Variants in SPOCK3 observed in about 807,000 individuals in gnomAD.
The protein encoded by SPOCK3 is testican-3.
SPOCK3 carries 30 observed loss-of-function variants against 56.6 expected under a neutral mutation model. The ratio of observed to expected loss-of-function variants is 0.53; its 90% CI spans 0.40 to 0.72. The LOEUF (loss-of-function observed/expected upper bound fraction) is 0.72, where lower values mean the gene tolerates loss of function less well. SPOCK3 is among the 30% of genes least tolerant of loss of function. The pLI, the probability that SPOCK3 is intolerant of heterozygous loss-of-function variation, is 0.00. For synonymous variants in SPOCK3, 196 were observed against 183.3 expected (o/e 1.07, Z -0.56); for missense variants, 527 against 530.0 (o/e 0.99, Z 0.06).
chr4:167,188,982 T>G lies in SPOCK3; in HGVS notation c.189+45003A>C, dbSNP rs537377664. 2.7e-5 allele frequency among the ~76,000 whole-genome samples: 4 copies of G among 146,304 alleles called. No homozygotes were observed. The South Asian group carries it at 8.5e-4, about 31-fold the overall frequency. On this transcript the variant is annotated intron_variant, in intron 2 of 10. Coordinates refer to ENST00000357545, the MANE Select transcript of SPOCK3 (RefSeq NM_001040159.2). ...TCTTCTCACAGAGAAAACTCCAGGCTTCACTGTTGAAGTCCGTCAAACATT... is the reference window on the plus strand; with the variant it reads ...TCTTCTCACAGAGAAAACTCCAGGCGTCACTGTTGAAGTCCGTCAAACATT...
intron 2 of SPOCK3, among the ~76,000 whole-genome samples, chr4:167,063,068 G>C (rs892167656): frequency 6.6e-6 from 1 of 151,782 alleles, no homozygotes; most frequent in Non-Finnish European, 1.5e-5. Flanking sequence ...TCATTCTCTT[G>C]CTAATCGAAT....
chr4:166,988,003 T>TA (rs1479497849), intron 4 of SPOCK3, among the ~76,000 whole-genome samples: 1 of 152,098 alleles, frequency 6.6e-6, no homozygotes, highest in African/African-American at 2.4e-5. Flanking sequence ...ATGCTTGCTT[T>TA]AAAAAATATA....
chr4:166,917,927 A>T (rs564376486), intron 4 of SPOCK3, among the ~76,000 whole-genome samples: 3 of 152,308 alleles, frequency 2.0e-5, no homozygotes, highest in African/African-American at 7.2e-5. Context: ...ATAAAACAAC[A>T]TTCAAGTGAG....
intron 7 of SPOCK3, among the ~76,000 whole-genome samples, chr4:166,773,534 A>G (rs200741731): frequency 6.6e-6 from 1 of 152,318 alleles, no homozygotes; most frequent in East Asian, 1.9e-4. Context: ...ATAAGAAGAT[A>G]ATACTTAACT....
At chr4:167,085,532 A>C (rs1198531471) in intron 2 of SPOCK3, among the ~76,000 whole-genome samples, 1 of 152,228 alleles carries the variant, frequency 6.6e-6, no homozygotes, top group South Asian at 2.1e-4. Context: ...AATGGGAGGT[A>C]ATTTTTCTTT....
chr4:166,934,890 A>G (rs1323482658), intron 4 of SPOCK3, among the ~76,000 whole-genome samples: 7 of 151,542 alleles, frequency 4.6e-5, no homozygotes, highest in Non-Finnish European at 8.8e-5. Context: ...ATAGAAAGCT[A>G]AAAGCTGAAA....
chr4:166,920,954 T>C (rs1738415657), intron 4 of SPOCK3, among the ~76,000 whole-genome samples: 1 of 152,188 alleles, frequency 6.6e-6, no homozygotes, highest in South Asian at 2.1e-4. Context: ...CCATCCAAAG[T>C]TCAGGGAGAC....
At chr4:166,801,691 T>A (rs1199207769) in intron 6 of SPOCK3, among the ~76,000 whole-genome samples, 1 of 152,178 alleles carries the variant, frequency 6.6e-6, no homozygotes, top group Non-Finnish European at 1.5e-5. Flanking sequence ...TTCAAATATA[T>A]TTAAAATGTG....
At chr4:167,150,838 T>C (rs1397885042) in intron 2 of SPOCK3, among the ~76,000 whole-genome samples, 4 of 152,198 alleles carry the variant, frequency 2.6e-5, no homozygotes, top group African/African-American at 9.6e-5. Flanking sequence ...CGGTCAATAT[T>C]GGGCAATTCA....
intron 6 of SPOCK3, among the ~76,000 whole-genome samples, chr4:166,802,737 A>G (rs1560874434): frequency 1.3e-5 from 2 of 152,138 alleles, no homozygotes. Flanking sequence ...GTAAATGAAG[A>G]GGAACTGAAA....
intron 8 of SPOCK3, among the ~76,000 whole-genome samples, chr4:166,745,733 T>G (rs543135783): frequency 2.0e-5 from 3 of 152,178 alleles, no homozygotes; most frequent in Admixed American, 2.0e-4. Context: ...TGTGCTGTAT[T>G]CAGGAGACCC....
chr4:167,193,800 TTC>T (rs1203644994), intron 2 of SPOCK3, among the ~76,000 whole-genome samples: 1 of 146,012 alleles, frequency 6.8e-6, no homozygotes, highest in African/African-American at 2.6e-5. Context: ...TTTTAATTTT[TTC>T]TCTGTCTGAC....
intron 2 of SPOCK3, among the ~76,000 whole-genome samples, chr4:167,190,991 T>A (rs1580565631): frequency 6.8e-6 from 1 of 145,986 alleles, no homozygotes; most frequent in East Asian, 2.1e-4. Flanking sequence ...TGTCTGTTTT[T>A]ATGCCAGAAC....
At chr4:167,149,099 T>A (rs761186434) in intron 2 of SPOCK3, among the ~76,000 whole-genome samples, 14 of 152,108 alleles carry the variant, frequency 9.2e-5, no homozygotes, top group Non-Finnish European at 1.5e-4. Flanking sequence ...CAAAAAGAAC[T>A]CTAAGCCATG....
intron 3 of SPOCK3, among the ~76,000 whole-genome samples, chr4:167,052,279 T>A (rs1754301390): frequency 6.6e-6 from 1 of 152,182 alleles, no homozygotes; most frequent in South Asian, 2.1e-4. Context: ...AGGTAATAAA[T>A]CTGACATAGA....
intron 4 of SPOCK3, among the ~76,000 whole-genome samples, chr4:166,925,663 C>A (rs1043331058): frequency 4.0e-5 from 6 of 149,340 alleles, no homozygotes; most frequent in Non-Finnish European, 9.0e-5. Flanking sequence ...TCAATTCAAC[C>A]ACTCCAAGGT....
chr4:166,941,490 G>GT (rs977380962), intron 4 of SPOCK3, among the ~76,000 whole-genome samples: 21 of 152,184 alleles, frequency 1.4e-4, no homozygotes, highest in African/African-American at 2.2e-4. Flanking sequence ...GGGATTTTGT[G>GT]TTTTTTTGTA....
intron 7 of SPOCK3, among the ~76,000 whole-genome samples, chr4:166,787,173 A>T (rs1740818033): frequency 6.6e-6 from 1 of 152,222 alleles, no homozygotes; most frequent in Admixed American, 6.6e-5. Flanking sequence ...AGATAGTAAA[A>T]ATGACCATTT....
At chr4:166,865,355 C>G (rs1293482936) in intron 6 of SPOCK3, among the ~76,000 whole-genome samples, 1 of 152,154 alleles carries the variant, frequency 6.6e-6, no homozygotes, top group South Asian at 2.1e-4. Flanking sequence ...GGAAGAATTC[C>G]CTTTGAAACC....
Sources: gnomAD v4.1 joint callset for allele counts (sites outside exome capture counted in the v4.1 genomes callset) on GRCh38, gnomAD v4.1.1 for gene constraint, MANE v1.5 for transcripts, NCBI Gene and HGNC (gene_info 2026-07-23, HGNC 2026-07-21) for gene names.